The following HSDL2 variants were observed in gnomAD, a reference collection of about 807,000 sequenced individuals.
HSDL2 encodes hydroxysteroid dehydrogenase-like protein 2.
HSDL2 carries 27 observed loss-of-function variants against 46.3 expected under a neutral mutation model. The ratio of observed to expected loss-of-function variants is 0.58; its 90% CI spans 0.43 to 0.80. The LOEUF is 0.80. Ranked by LOEUF, HSDL2 falls within the 30% of genes least tolerant of loss-of-function variation. The pLI is 0.00. For missense variants in HSDL2, 451 were observed against 502.7 expected (o/e 0.90, Z 0.98); for synonymous variants, 153 against 163.6 (o/e 0.94, Z 0.50).
intron 6 of HSDL2, among the ~76,000 whole-genome samples, chr9:112,422,925 G>A (rs1320091291): frequency 6.6e-6 from 1 of 152,184 alleles, no homozygotes; most frequent in African/African-American, 2.4e-5. Flanking sequence ...AGAAGGCAGT[G>A]GAATAACATC....
intron 6 of HSDL2, among the ~76,000 whole-genome samples, chr9:112,419,223 G>A (rs1832065749): frequency 1.3e-5 from 2 of 152,050 alleles, no homozygotes; most frequent in African/African-American, 4.8e-5. Flanking sequence ...TGGCCAGGCT[G>A]GTCTCGAACT....
At chr9:112,426,745 C>A (rs1201983759) in intron 6 of HSDL2, among the ~76,000 whole-genome samples, 1 of 152,184 alleles carries the variant, frequency 6.6e-6, no homozygotes, top group Non-Finnish European at 1.5e-5. Context: ...TTCTGTATTG[C>A]ACATATTCTT....
At chr9:112,408,838 G>T in intron 3 of HSDL2, 69 bp from the exon 4 acceptor site, 1 of 800,586 alleles carries the variant, frequency 1.2e-6, no homozygotes, top group South Asian at 1.6e-5. Flanking sequence ...GGGTTCAAGA[G>T]AGTAAACGCT....
At chr9:112,407,114 C>T (rs968623098) in intron 3 of HSDL2, among the ~76,000 whole-genome samples, 3 of 152,222 alleles carry the variant, frequency 2.0e-5, no homozygotes, top group Non-Finnish European at 4.4e-5. Context: ...AGTGGAGCCT[C>T]TTCCCTTAAA....
At chr9:112,416,301 T>C (rs940488336) in intron 4 of HSDL2, among the ~76,000 whole-genome samples, 8 of 150,594 alleles carry the variant, frequency 5.3e-5, no homozygotes, top group African/African-American at 2.0e-4. Context: ...TGCTGGCACA[T>C]GCCTGTAGTC....
At chr9:112,441,280 A>G (rs62570031) in intron 7 of HSDL2, among the ~76,000 whole-genome samples, 20,556 of 152,064 alleles carry the variant, frequency 0.14, 1,785 homozygotes, top group East Asian at 0.2. Context: ...GGAAGAGGGA[A>G]AGAGAGAAGA....
At chr9:112,435,584 TA>T (rs1832507180) in intron 6 of HSDL2, among the ~76,000 whole-genome samples, 1 of 152,128 alleles carries the variant, frequency 6.6e-6, no homozygotes, top group African/African-American at 2.4e-5. Flanking sequence ...CTCCTATTTA[TA>T]AAATGGGAAT....
intron 10 of HSDL2, among the ~76,000 whole-genome samples, chr9:112,464,488 A>G (rs1242284955): frequency 1.3e-5 from 2 of 152,012 alleles, no homozygotes; most frequent in Non-Finnish European, 2.9e-5. Flanking sequence ...TTTCTTTTTT[A>G]CCGTTGTGAA....
chr9:112,388,182 C>T (rs556049031), intron 1 of HSDL2, among the ~76,000 whole-genome samples: 2 of 151,138 alleles, frequency 1.3e-5, no homozygotes, highest in East Asian at 3.9e-4. Flanking sequence ...CAAAAAAAAA[C>T]CCAGGCACAG....
chr9:112,468,377 A>G (rs1720545587), intron 10 of HSDL2, among the ~76,000 whole-genome samples: 1 of 152,118 alleles, frequency 6.6e-6, no homozygotes, highest in Admixed American at 6.5e-5. Context: ...TTCTCCTATT[A>G]CACATATATT....
chr9:112,441,597 C>G (rs1449591028), intron 7 of HSDL2, 102 bp from the exon 8 acceptor site: 1 of 720,922 alleles, frequency 1.4e-6, no homozygotes, highest in Admixed American at 2.6e-5. Context: ...TTCTTTTGCA[C>G]CAGAAAGATT....
chr9:112,394,068 A>G (rs112820065), intron 1 of HSDL2, among the ~76,000 whole-genome samples: 7 of 152,322 alleles, frequency 4.6e-5, no homozygotes, highest in East Asian at 1.9e-4. Context: ...GTCGAGAAGA[A>G]TTATCATAAT....
At chr9:112,451,349 A>G (rs1266768980) in intron 8 of HSDL2, among the ~76,000 whole-genome samples, 1 of 152,240 alleles carries the variant, frequency 6.6e-6, no homozygotes, top group Non-Finnish European at 1.5e-5. Flanking sequence ...TAAGCATTGC[A>G]AAGGTTATAA....
At chr9:112,381,098 C>CACACACACACACACACAA (rs1554707225) in intron 1 of HSDL2, among the ~76,000 whole-genome samples, 1 of 151,446 alleles carries the variant, frequency 6.6e-6, no homozygotes, top group African/African-American at 2.4e-5. Context: ...TACACACACA[C>CACACACACACACACACAA]ACACACACAC....
chr9:112,381,985 C>A lies in HSDL2; in HGVS notation c.17+1805C>A, dbSNP rs530544928. Among the ~76,000 whole-genome samples, 4 of 152,312 alleles carry A rather than the reference C, an allele frequency of 2.6e-5. No individual in the cohort carries two copies. In the East Asian group the frequency reaches 7.7e-4, roughly 29 times the overall value. Reference sequence around the variant, plus strand: ...GGGCACAGTGGCTCACGCCTGTAGTCCCAGCACTTTGGGAGGCCGAGGCGG... The same window carrying A: ...GGGCACAGTGGCTCACGCCTGTAGTACCAGCACTTTGGGAGGCCGAGGCGG... On this transcript the variant is annotated intron_variant, in intron 1 of 10. Coordinates refer to ENST00000398805, the MANE Select transcript of HSDL2 (RefSeq NM_032303.5).
At chr9:112,438,795 G>C in intron 7 of HSDL2, 170 bp downstream of exon 7, 1 of 472,260 alleles carries the variant, frequency 2.1e-6, no homozygotes, top group Admixed American at 4.0e-5. Context: ...TAAAAAAAAA[G>C]ATGAATGAAA....
intron 1 of HSDL2, among the ~76,000 whole-genome samples, chr9:112,388,157 T>A (rs956432811): frequency 2.7e-5 from 4 of 149,192 alleles, no homozygotes; most frequent in Admixed American, 2.0e-4. Flanking sequence ...AGAGCCTGTC[T>A]CAGAAAAAAA....
intron 8 of HSDL2, 72 bp downstream of exon 8, chr9:112,441,842 T>C: frequency 3.0e-6 from 3 of 988,726 alleles, no homozygotes; most frequent in South Asian, 1.4e-5. Context: ...AAATATGGAA[T>C]TGATCCTATA....
chr9:112,429,753 T>C (rs757624951), intron 6 of HSDL2, among the ~76,000 whole-genome samples: 6 of 152,182 alleles, frequency 3.9e-5, no homozygotes, highest in African/African-American at 9.7e-5. Flanking sequence ...GATTGGAGTC[T>C]CAGCCATTGA....
Sources: gnomAD v4.1 joint callset for allele counts (sites outside exome capture counted in the v4.1 genomes callset) on GRCh38, gnomAD v4.1.1 for gene constraint, MANE v1.5 for transcripts, NCBI Gene and HGNC (gene_info 2026-07-23, HGNC 2026-07-21) for gene names.